SLC39A11: variants seen among roughly 807,000 people sequenced by gnomAD.
The protein encoded by SLC39A11 is solute carrier family 39 member 11.
In SLC39A11, 33 loss-of-function variants were observed where a neutral mutation model predicts 36.1. The observed-to-expected ratio is 0.91, with a 90% CI of 0.69 to 1.22. The LOEUF is 1.22. Ranked by LOEUF, SLC39A11 falls within the 50% of genes most tolerant of loss-of-function variation. The pLI, the probability that SLC39A11 is intolerant of heterozygous loss-of-function variation, is 0.00. For synonymous variants in SLC39A11, 166 were observed against 170.3 expected (o/e 0.97, Z 0.20); for missense variants, 432 against 430.3 (o/e 1.00, Z -0.03).
rs564299391 is a variant in SLC39A11, at chr17:72,970,145, T to C, written c.307-22270A>G. Among the ~76,000 whole-genome samples the C allele has an allele frequency of 6.1e-4, 93 of 152,310 alleles. 1 individual carries two copies. Among genetic ancestry groups the C allele is most frequent in the African/African-American group, 2.2e-3 (92 of 41,572 alleles). On this transcript the variant is annotated intron_variant, in intron 4 of 9. Coordinates refer to ENST00000255559, the MANE Select transcript of SLC39A11 (RefSeq NM_139177.4). ...AAAAGGTCAGTCTTTCCAAAATAAGTCTGGAGAAAAATCATCAATAAGCAG... is the reference window on the plus strand; with the variant it reads ...AAAAGGTCAGTCTTTCCAAAATAAGCCTGGAGAAAAATCATCAATAAGCAG...
chr17:72,769,019 C>T (rs1444433574), intron 6 of SLC39A11, among the ~76,000 whole-genome samples: 1 of 152,178 alleles, frequency 6.6e-6, no homozygotes, highest in African/African-American at 2.4e-5. Context: ...TTCGGCCTCC[C>T]AAAGTGCTAG....
chr17:72,739,642 G>C (rs889273641), intron 6 of SLC39A11, among the ~76,000 whole-genome samples: 2 of 152,064 alleles, frequency 1.3e-5, no homozygotes, highest in African/African-American at 4.8e-5. Flanking sequence ...TTCTGGGCCC[G>C]GCCTCTCAGC....
At chr17:73,026,403 T>C (rs980908742) in intron 4 of SLC39A11, among the ~76,000 whole-genome samples, 1 of 150,146 alleles carries the variant, frequency 6.7e-6, no homozygotes, top group Non-Finnish European at 1.5e-5. Context: ...TAATCCCAGA[T>C]AGTTGGGAGA....
At chr17:72,941,252 G>A (rs552826479) in intron 5 of SLC39A11, among the ~76,000 whole-genome samples, 125 of 152,296 alleles carry the variant, frequency 8.2e-4, no homozygotes, top group African/African-American at 2.9e-3. Flanking sequence ...CAGCCTGGGT[G>A]ACACAGTGAG....
At chr17:72,701,096 C>G (rs569270720) in intron 7 of SLC39A11, among the ~76,000 whole-genome samples, 5 of 152,398 alleles carry the variant, frequency 3.3e-5, no homozygotes, top group African/African-American at 1.2e-4. Context: ...CACCTTCCAT[C>G]ACATTCCATC....
chr17:72,915,736 G>C (rs1183149881), intron 5 of SLC39A11, among the ~76,000 whole-genome samples: 1 of 152,232 alleles, frequency 6.6e-6, no homozygotes, highest in East Asian at 1.9e-4. Context: ...CAGGGGCCCA[G>C]ATGGTCCCAC....
chr17:72,740,718 C>A (rs564689423), intron 6 of SLC39A11, among the ~76,000 whole-genome samples: 1 of 152,188 alleles, frequency 6.6e-6, no homozygotes, highest in East Asian at 1.9e-4. Context: ...CAATTCACTG[C>A]AGAGATGAAC....
At chr17:72,969,175 G>C (rs1224845221) in intron 4 of SLC39A11, among the ~76,000 whole-genome samples, 2 of 152,188 alleles carry the variant, frequency 1.3e-5, no homozygotes, top group East Asian at 1.9e-4. Flanking sequence ...GCTTAAACAT[G>C]ATGGCCCAGG....
chr17:72,884,660 T>G (rs1472134531), intron 5 of SLC39A11, among the ~76,000 whole-genome samples: 1 of 152,220 alleles, frequency 6.6e-6, no homozygotes, highest in Non-Finnish European at 1.5e-5. Flanking sequence ...AGCTCTGGGA[T>G]CTATCTTGAA....
chr17:72,892,307 G>A (rs2081794877), intron 5 of SLC39A11, among the ~76,000 whole-genome samples: 1 of 151,714 alleles, frequency 6.6e-6, no homozygotes, highest in African/African-American at 2.4e-5. Flanking sequence ...CTATTCAAGA[G>A]GCTGAGGTAG....
intron 5 of SLC39A11, among the ~76,000 whole-genome samples, chr17:72,887,782 T>C (rs2081507898): frequency 8.7e-6 from 1 of 115,316 alleles, no homozygotes. Context: ...CCAGCAAATT[T>C]AGAAACGAAA....
At chr17:72,848,485 C>T (rs773250311) in intron 6 of SLC39A11, among the ~76,000 whole-genome samples, 4 of 151,940 alleles carry the variant, frequency 2.6e-5, no homozygotes, top group South Asian at 2.1e-4. Flanking sequence ...TTTGAGGGGC[C>T]GAGGCAGGTG....
intron 6 of SLC39A11, among the ~76,000 whole-genome samples, chr17:72,822,738 T>TC (rs1224123491): frequency 6.6e-6 from 1 of 150,684 alleles, no homozygotes; most frequent in Non-Finnish European, 1.5e-5. Context: ...TTTTCTTTCT[T>TC]TTTTTTTGCT....
chr17:72,729,457 A>ATTTTTTTTTTTTTTTTTTTT (rs55729197), intron 7 of SLC39A11, among the ~76,000 whole-genome samples: 1 of 7,242 alleles, frequency 1.4e-4, no homozygotes, highest in Non-Finnish European at 3.2e-4. Flanking sequence ...ATATATATAT[A>ATTTTTTTTTTTTTTTTTTTT]TTTTTTTTTT....
In SLC39A11 at chr17:72,751,139, T is replaced by G. The variant is rs112128921; in HGVS notation, c.602-14420A>C. ...GGTGGGCGCTTGTAATCCCAGCTAT[T>G]TGGGAGGCTGAGGAATGAGAATCAC... On this transcript the variant is annotated intron_variant, in intron 6 of 9. Transcript: ENST00000255559. 1.1e-3 allele frequency among the ~76,000 whole-genome samples: 171 copies of G among 152,134 alleles called. 2 individuals are homozygous for G. Among genetic ancestry groups the G allele is most frequent in the Middle Eastern group, 6.8e-3 (2 of 294 alleles).
At chr17:72,746,279 T>A (rs2074932389) in intron 6 of SLC39A11, among the ~76,000 whole-genome samples, 1 of 152,070 alleles carries the variant, frequency 6.6e-6, no homozygotes, top group Non-Finnish European at 1.5e-5. Context: ...CATCCACATG[T>A]ACATTCTCAG....
At chr17:72,841,088 C>G (rs1440164740) in intron 6 of SLC39A11, among the ~76,000 whole-genome samples, 4 of 152,248 alleles carry the variant, frequency 2.6e-5, no homozygotes. Context: ...GGACACCTAA[C>G]TCTCAAACAG....
intron 4 of SLC39A11, among the ~76,000 whole-genome samples, chr17:73,023,727 G>A (rs1206189593): frequency 6.6e-6 from 1 of 152,224 alleles, no homozygotes; most frequent in Non-Finnish European, 1.5e-5. Context: ...CTGACTGCGT[G>A]ATCCGCCCAC....
intron 4 of SLC39A11, among the ~76,000 whole-genome samples, chr17:73,011,077 T>TAGACAGGC (rs1555677516): frequency 6.6e-6 from 1 of 151,264 alleles, no homozygotes; most frequent in Non-Finnish European, 1.5e-5. Context: ...AGGCCCCCGG[T>TAGACAGGC]ACACAGGCAC....
Sources: gnomAD v4.1 joint callset for allele counts (sites outside exome capture counted in the v4.1 genomes callset) on GRCh38, gnomAD v4.1.1 for gene constraint, MANE v1.5 for transcripts, NCBI Gene and HGNC (gene_info 2026-07-23, HGNC 2026-07-21) for gene names.